The following CADPS2 variants were observed in gnomAD, a reference collection of about 807,000 sequenced individuals.
The protein encoded by CADPS2 is calcium-dependent secretion activator 2.
Under a neutral mutation model 172.5 loss-of-function variants are expected in CADPS2, and 93 were observed. The ratio of observed to expected loss-of-function variants is 0.54; its 90% CI spans 0.46 to 0.64. The LOEUF is 0.64. CADPS2 is among the 30% of genes least tolerant of loss of function. The pLI is 0.00. For synonymous variants in CADPS2, 546 were observed against 555.2 expected (o/e 0.98, Z 0.23); for missense variants, 1,420 against 1,565.9 (o/e 0.91, Z 1.57).
intron 3 of CADPS2, among the ~76,000 whole-genome samples, chr7:122,645,016 G>A (rs2078148117): frequency 6.6e-6 from 1 of 151,598 alleles, no homozygotes; most frequent in Non-Finnish European, 1.5e-5. Context: ...CTTAGAACAG[G>A]GAAAAGATGA....
chr7:122,333,008 T>A (rs998392297), intron 28 of CADPS2, among the ~76,000 whole-genome samples: 1 of 152,208 alleles, frequency 6.6e-6, no homozygotes, highest in Non-Finnish European at 1.5e-5. Flanking sequence ...CCTTTCTTAG[T>A]GTCCTTGATG....
Position 122,341,876 on chromosome 7 carries a change from T to C in CADPS2, c.3612+3698A>G, listed in dbSNP as rs996807359. Among the ~76,000 whole-genome samples, 6 of 152,130 alleles carry C rather than the reference T, an allele frequency of 3.9e-5. 1 individual carries two copies. Among genetic ancestry groups the C allele is most frequent in the Admixed American group, 3.3e-4 (5 of 15,268 alleles). ...CTATTATTTTGATAGGTTGAAAAGA[T>C]GAAGGATGTACCTTAAACAAACTTA... On this transcript the variant is annotated intron_variant, in intron 28 of 29. Coordinates refer to ENST00000449022, the MANE Select transcript of CADPS2 (RefSeq NM_017954.11).
intron 5 of CADPS2, among the ~76,000 whole-genome samples, chr7:122,619,711 T>TA (rs1398757567): frequency 6.6e-6 from 1 of 152,138 alleles, no homozygotes; most frequent in Middle Eastern, 3.2e-3. Flanking sequence ...TATAAAGCCT[T>TA]AAAAAACAGA....
At chr7:122,471,801 C>T (rs1378261070) in intron 13 of CADPS2, among the ~76,000 whole-genome samples, 1 of 152,010 alleles carries the variant, frequency 6.6e-6, no homozygotes, top group Admixed American at 6.6e-5. Flanking sequence ...TAACTTGTGC[C>T]TCTCCAATGT....
chr7:122,498,182 A>C (rs1000659445), intron 9 of CADPS2, among the ~76,000 whole-genome samples: 1 of 152,086 alleles, frequency 6.6e-6, no homozygotes, highest in Non-Finnish European at 1.5e-5. Context: ...TCCTGACCTC[A>C]AGTGATCTGC....
At chr7:122,817,251 T>C (rs1373187503) in intron 1 of CADPS2, among the ~76,000 whole-genome samples, 1 of 152,158 alleles carries the variant, frequency 6.6e-6, no homozygotes, top group Non-Finnish European at 1.5e-5. Flanking sequence ...CTTTGCTCCA[T>C]GAGAAAGATC....
intron 1 of CADPS2, among the ~76,000 whole-genome samples, chr7:122,821,778 T>C (rs551613316): frequency 1.6e-4 from 25 of 152,294 alleles, no homozygotes; most frequent in Middle Eastern, 3.4e-3. Context: ...AAAGGTCTTT[T>C]AAAAATACAC....
chr7:122,600,300 T>C (rs1431621779), intron 6 of CADPS2, among the ~76,000 whole-genome samples: 1 of 152,040 alleles, frequency 6.6e-6, no homozygotes, highest in Non-Finnish European at 1.5e-5. Flanking sequence ...TTTCTCTTTC[T>C]AAAGATCCCA....
At chr7:122,642,488 T>C (rs988661635) in intron 3 of CADPS2, among the ~76,000 whole-genome samples, 1 of 150,958 alleles carries the variant, frequency 6.6e-6, no homozygotes, top group Admixed American at 6.6e-5. Context: ...CAGCCAACTA[T>C]CCTACAATTA....
chr7:122,464,287 A>G (rs2054855507), intron 14 of CADPS2, among the ~76,000 whole-genome samples: 1 of 152,358 alleles, frequency 6.6e-6, no homozygotes, highest in Non-Finnish European at 1.5e-5. Flanking sequence ...AATCTGAGCA[A>G]CAAAGTAATT....
chr7:122,492,695 T>C (rs2058400169), intron 9 of CADPS2, among the ~76,000 whole-genome samples: 1 of 151,668 alleles, frequency 6.6e-6, no homozygotes, highest in African/African-American at 2.4e-5. Context: ...GGTTAGTGTA[T>C]TTTTTTTCTT....
intron 9 of CADPS2, among the ~76,000 whole-genome samples, chr7:122,501,720 A>G (rs2059214524): frequency 6.7e-6 from 1 of 150,368 alleles, no homozygotes; most frequent in African/African-American, 2.4e-5. Context: ...CTAAAAATAC[A>G]AAAAATTAGC....
intron 7 of CADPS2, among the ~76,000 whole-genome samples, chr7:122,565,231 T>TAA (rs11304570): frequency 4.9e-5 from 7 of 142,430 alleles, no homozygotes; most frequent in African/African-American, 1.5e-4. Context: ...TTTATAGAAT[T>TAA]AAAAAAAAAA....
chr7:122,863,952 C>G (rs1817629538), intron 1 of CADPS2, among the ~76,000 whole-genome samples: 1 of 151,898 alleles, frequency 6.6e-6, no homozygotes, highest in Admixed American at 6.6e-5. Context: ...ACTGCTTGAA[C>G]CCAGAAGGCA....
At chr7:122,682,237 G>A (rs1234900700) in intron 2 of CADPS2, among the ~76,000 whole-genome samples, 1 of 152,118 alleles carries the variant, frequency 6.6e-6, no homozygotes, top group Non-Finnish European at 1.5e-5. Flanking sequence ...ACCCTAAAGT[G>A]GAAGAAAAAT....
chr7:122,856,730 T>C (rs1252029355), intron 1 of CADPS2, among the ~76,000 whole-genome samples: 1 of 152,172 alleles, frequency 6.6e-6, no homozygotes, highest in Non-Finnish European at 1.5e-5. Flanking sequence ...TCATGAAATA[T>C]ATAAAGACAT....
intron 1 of CADPS2, among the ~76,000 whole-genome samples, chr7:122,851,247 G>A (rs1310152104): frequency 6.6e-6 from 1 of 152,116 alleles, no homozygotes; most frequent in Non-Finnish European, 1.5e-5. Context: ...TATGAGAATT[G>A]GACTACAGTG....
intron 17 of CADPS2, among the ~76,000 whole-genome samples, chr7:122,420,316 C>T (rs2048395362): frequency 6.6e-6 from 1 of 152,154 alleles, no homozygotes; most frequent in African/African-American, 2.4e-5. Context: ...GTGACACTAT[C>T]TTAAGTACAA....
At chr7:122,432,631 ACT>A (rs2151904271) in intron 17 of CADPS2, among the ~76,000 whole-genome samples, 2 of 142,744 alleles carry the variant, frequency 1.4e-5, no homozygotes, top group East Asian at 4.1e-4. Flanking sequence ...ACAAGGCAAG[ACT>A]CTGTTAAAAT....
Sources: allele counts gnomAD v4.1 joint callset (sites outside exome capture counted in the v4.1 genomes callset), GRCh38; gene constraint gnomAD v4.1.1; transcripts MANE v1.5; gene names NCBI Gene and HGNC (gene_info 2026-07-23, HGNC 2026-07-21).